The following GRM5 variants were observed in gnomAD, a reference collection of about 807,000 sequenced individuals.
GRM5 encodes metabotropic glutamate receptor 5.
In GRM5, 19 loss-of-function variants were observed where a neutral mutation model predicts 83.1. That is an observed-to-expected ratio of 0.23 (90% CI 0.16 to 0.34). GRM5 has a LOEUF of 0.34. Ranked by LOEUF, GRM5 falls within the 10% of genes least tolerant of loss-of-function variation. The pLI is 1.00. For synonymous variants in GRM5, 675 were observed against 633.6 expected, an observed-to-expected ratio of 1.07 and a Z score of -0.98; for missense variants, 1,160 against 1,588.3, an observed-to-expected ratio of 0.73 and a Z score of 4.58.
At chr11:88,738,848 A>G (rs1021191471) in intron 3 of GRM5, among the ~76,000 whole-genome samples, 1 of 151,994 alleles carries the variant, frequency 6.6e-6, no homozygotes, top group Non-Finnish European at 1.5e-5. Flanking sequence ...CAAATACCCA[A>G]TGCTCCAGTC....
chr11:88,753,263 A>G (rs1019230423), intron 3 of GRM5, among the ~76,000 whole-genome samples: 3 of 152,184 alleles, frequency 2.0e-5, no homozygotes, highest in Admixed American at 1.3e-4. Context: ...TATGAGAAAA[A>G]ACAACCCCAT....
intron 7 of GRM5, among the ~76,000 whole-genome samples, chr11:88,575,022 A>G (rs1369965599): frequency 6.6e-6 from 1 of 150,776 alleles, no homozygotes; most frequent in Non-Finnish European, 1.5e-5. Flanking sequence ...AGAAAAAAAA[A>G]ATAGAAAAGT....
chr11:89,025,221 C>A (rs997799710), intron 2 of GRM5, among the ~76,000 whole-genome samples: 3 of 152,126 alleles, frequency 2.0e-5, no homozygotes, highest in Non-Finnish European at 4.4e-5. Context: ...CAGGAAGCAA[C>A]CTTAACTCTG....
At chr11:88,966,752 TC>T (rs1938979886) in intron 2 of GRM5, among the ~76,000 whole-genome samples, 2 of 152,088 alleles carry the variant, frequency 1.3e-5, no homozygotes, top group Non-Finnish European at 2.9e-5. Flanking sequence ...CTTTGAAGTC[TC>T]CCCCCTGGGT....
chr11:88,607,721 T>C (rs34903656), intron 4 of GRM5, among the ~76,000 whole-genome samples: 32,849 of 152,132 alleles, frequency 0.22, 3,589 homozygotes, highest in Middle Eastern at 0.26. Flanking sequence ...ACACACTGAC[T>C]TTCTCCCACA....
chr11:88,806,007 G>A (rs765049170), intron 3 of GRM5, among the ~76,000 whole-genome samples: 13 of 152,192 alleles, frequency 8.5e-5, no homozygotes, highest in Admixed American at 5.9e-4. Context: ...GCTGCCAATA[G>A]CACTGGAAAG....
chr11:88,535,020 C>T (rs1301793642), intron 8 of GRM5, among the ~76,000 whole-genome samples: 2 of 152,152 alleles, frequency 1.3e-5, no homozygotes, highest in African/African-American at 4.8e-5. Context: ...TGTGAGGCTT[C>T]CCCAGCCATG....
intron 6 of GRM5, among the ~76,000 whole-genome samples, chr11:88,593,493 T>C (rs866195248): frequency 1.0e-3 from 158 of 151,732 alleles, no homozygotes; most frequent in African/African-American, 3.7e-3. Flanking sequence ...CTGGCCAACA[T>C]GGTGAAACCC....
chr11:88,702,952 T>C (rs562883048), intron 3 of GRM5, among the ~76,000 whole-genome samples: 3 of 152,198 alleles, frequency 2.0e-5, no homozygotes, highest in Non-Finnish European at 2.9e-5. Context: ...GAAAAATAAA[T>C]TTATGTTGTT....
At chr11:88,580,980 C>CGCCT (rs1286349539) in intron 7 of GRM5, among the ~76,000 whole-genome samples, 1 of 152,034 alleles carries the variant, frequency 6.6e-6, no homozygotes, top group Non-Finnish European at 1.5e-5. Context: ...TGGTGGCATG[C>CGCCT]GCCTGTAGTC....
intron 2 of GRM5, among the ~76,000 whole-genome samples, chr11:89,045,579 CTTATT>C (rs1293848623): frequency 6.6e-6 from 1 of 152,036 alleles, no homozygotes; most frequent in East Asian, 1.9e-4. Context: ...TACATCATAA[CTTATT>C]TTATTAGGTT....
At chr11:88,559,124 C>T (rs1393561168) in intron 8 of GRM5, among the ~76,000 whole-genome samples, 1 of 151,992 alleles carries the variant, frequency 6.6e-6, no homozygotes, top group Non-Finnish European at 1.5e-5. Flanking sequence ...TGAAAATCAC[C>T]ACCAAATTTC....
chr11:88,565,542 T>G (rs1001517086), intron 8 of GRM5, among the ~76,000 whole-genome samples: 2 of 152,218 alleles, frequency 1.3e-5, no homozygotes, highest in African/African-American at 2.4e-5. Context: ...TGTTTACAGA[T>G]AGGACTTGAA....
At chr11:89,024,874 A>C (rs1205767447) in intron 2 of GRM5, among the ~76,000 whole-genome samples, 1 of 152,164 alleles carries the variant, frequency 6.6e-6, no homozygotes, top group East Asian at 1.9e-4. Flanking sequence ...CTAAATAACC[A>C]TAACTGACTG....
chr11:88,928,256 C>A (rs1215193103), intron 2 of GRM5, among the ~76,000 whole-genome samples: 1 of 151,992 alleles, frequency 6.6e-6, no homozygotes, highest in Non-Finnish European at 1.5e-5. Context: ...AAGGTGCTTA[C>A]CAGTTATATA....
In GRM5 at chr11:88,711,343, A is replaced by G. The variant is rs549939848; in HGVS notation, c.912-57940T>C. Among the ~76,000 whole-genome samples the G allele has an allele frequency of 3.9e-5, 6 of 152,244 alleles. No homozygotes were observed. In the South Asian group the frequency reaches 1.2e-3, roughly 32 times the overall value. ...ACCGCAGCCAAAGGCAAAAGAGCCT[A>G]CTGATGCCATGATCCACTTGTGTCA... is the stretch of plus-strand genomic sequence containing the variant. On this transcript the variant is annotated intron_variant, in intron 3 of 9. Coordinates refer to ENST00000305447, the MANE Select transcript of GRM5 (RefSeq NM_001143831.3).
At chr11:88,606,379 G>A (rs1226524063) in intron 4 of GRM5, among the ~76,000 whole-genome samples, 1 of 152,150 alleles carries the variant, frequency 6.6e-6, no homozygotes, top group East Asian at 1.9e-4. Context: ...AAAATTAGCT[G>A]GGTGTGGTGG....
At chr11:88,893,991 T>G (rs1945189223) in intron 2 of GRM5, among the ~76,000 whole-genome samples, 1 of 152,036 alleles carries the variant, frequency 6.6e-6, no homozygotes, top group Admixed American at 6.6e-5. Context: ...GAGTAGCCTG[T>G]AAAGTTGACC....
intron 2 of GRM5, among the ~76,000 whole-genome samples, chr11:89,023,894 TAA>T (rs975246294): frequency 4.6e-4 from 51 of 110,794 alleles, no homozygotes; most frequent in African/African-American, 1.6e-3. Flanking sequence ...AATAAATAAA[TAA>T]AAATAAATTT....
Sources: gnomAD v4.1 joint callset for allele counts (sites outside exome capture counted in the v4.1 genomes callset) on GRCh38, gnomAD v4.1.1 for gene constraint, MANE v1.5 for transcripts, NCBI Gene and HGNC (gene_info 2026-07-23, HGNC 2026-07-21) for gene names.